Variants in STAM observed in about 807,000 individuals in gnomAD.
The protein encoded by STAM is signal transducing adaptor molecule.
Under a neutral mutation model 63.4 loss-of-function variants are expected in STAM, and 16 were observed. The observed-to-expected ratio is 0.25, with a 90% CI of 0.17 to 0.38. STAM has a LOEUF of 0.38. STAM is among the 10% of genes least tolerant of loss of function. STAM has a pLI of 1.00. For missense variants in STAM, 636 were observed against 657.1 expected, an observed-to-expected ratio of 0.97 and a Z score of 0.35; for synonymous variants, 238 against 223.9, an observed-to-expected ratio of 1.06 and a Z score of -0.56.
At chr10:17,673,967 T>C (rs775140348) in intron 2 of STAM, among the ~76,000 whole-genome samples, 50 of 152,216 alleles carry the variant, frequency 3.3e-4, no homozygotes, top group Admixed American at 1.8e-3. Flanking sequence ...CTCTGATCTG[T>C]AGGATGAGTA....
intron 1 of STAM, among the ~76,000 whole-genome samples, chr10:17,650,777 T>C (rs1286463801): frequency 6.6e-6 from 1 of 152,138 alleles, no homozygotes; most frequent in Non-Finnish European, 1.5e-5. Context: ...AAAATATTTC[T>C]AGAGAGGGCT....
chr10:17,662,309 C>T (rs1344320696), intron 2 of STAM, among the ~76,000 whole-genome samples: 1 of 151,876 alleles, frequency 6.6e-6, no homozygotes, highest in East Asian at 1.9e-4. Context: ...CCTTTTGTTT[C>T]TTGAGGATGG....
chr10:17,650,759 C>T (rs11817967), intron 1 of STAM, among the ~76,000 whole-genome samples: 17,206 of 152,052 alleles, frequency 0.11, 1,052 homozygotes, highest in Middle Eastern at 0.16. Context: ...CGCGTGGCCC[C>T]TCCGTTTAAA....
chr10:17,687,227 C>T (rs1835327681), intron 4 of STAM, among the ~76,000 whole-genome samples: 1 of 152,166 alleles, frequency 6.6e-6, no homozygotes. Context: ...GTAATCGCAG[C>T]ACTTTGGGAG....
At chr10:17,711,754 C>T (rs781956904) in intron 13 of STAM, among the ~76,000 whole-genome samples, 3 of 152,004 alleles carry the variant, frequency 2.0e-5, no homozygotes, top group South Asian at 4.1e-4. Context: ...AGGGGAGCAG[C>T]GAGAGACATA....
chr10:17,668,335 G>C lies in STAM; in HGVS notation c.125+7787G>C, dbSNP rs1292524580. On this transcript the variant is annotated intron_variant, in intron 2 of 13. Transcript: ENST00000377524. ...CACATTGCTTAGCATAATGCATATT[G>C]AACAGATAGTACAGAGGTCAACTCC... 3.3e-5 allele frequency among the ~76,000 whole-genome samples: 5 copies of C among 152,306 alleles called. No homozygotes were observed. In the East Asian group the frequency reaches 9.6e-4, roughly 29 times the overall value.
At chr10:17,672,567 G>C (rs930559711) in intron 2 of STAM, among the ~76,000 whole-genome samples, 5 of 152,116 alleles carry the variant, frequency 3.3e-5, no homozygotes, top group African/African-American at 1.2e-4. Context: ...GCTGTGCTGA[G>C]GGCCATTCTT....
intron 12 of STAM, among the ~76,000 whole-genome samples, chr10:17,706,449 G>C (rs1367394843): frequency 1.6e-5 from 2 of 128,080 alleles, no homozygotes; most frequent in Non-Finnish European, 3.1e-5. Context: ...TGCAATCTCA[G>C]CTCACTGCAA....
chr10:17,693,554 G>C (rs1255286962), intron 6 of STAM, among the ~76,000 whole-genome samples: 1 of 151,966 alleles, frequency 6.6e-6, no homozygotes, highest in African/African-American at 2.4e-5. Context: ...GTGCTTTTTT[G>C]TGTCTAACAA....
intron 1 of STAM, among the ~76,000 whole-genome samples, chr10:17,649,912 C>T (rs1833671025): frequency 1.3e-5 from 2 of 152,168 alleles, no homozygotes; most frequent in Non-Finnish European, 2.9e-5. Flanking sequence ...CCGGGCCCAG[C>T]CAATTTGGTA....
At chr10:17,657,696 T>A (rs1554822324) in intron 1 of STAM, among the ~76,000 whole-genome samples, 1 of 152,230 alleles carries the variant, frequency 6.6e-6, no homozygotes, top group Non-Finnish European at 1.5e-5. Flanking sequence ...GCAGATTATG[T>A]CTTTCAAGGC....
rs1158788412 is a variant in STAM at position 17,696,624 on chromosome 10, T to C, written c.729-151T>C. ...TTACCTTTTCTGAGGCTTCTTCTTC[T>C]TTTGTAATAAAGGAAGATTCATTGG... On this transcript the variant is annotated intron_variant, in intron 7 of 13. Coordinates refer to ENST00000377524, the MANE Select transcript of STAM (RefSeq NM_003473.4). 5.9e-5 allele frequency: 34 copies of C among 571,678 alleles called. No homozygotes were observed. The East Asian group carries it at 8.8e-4, about 15-fold the overall frequency. The allele number at this position is 571,678 out of a possible 1,614,324, so 35.4% of individuals were successfully genotyped here.
At chr10:17,681,034 G>A (rs1402139650) in intron 2 of STAM, among the ~76,000 whole-genome samples, 1 of 152,020 alleles carries the variant, frequency 6.6e-6, no homozygotes, top group African/African-American at 2.4e-5. Context: ...TTAATTATTC[G>A]AGGAACCAGT....
At chr10:17,706,482 C>T (rs1836283803) in intron 12 of STAM, among the ~76,000 whole-genome samples, 1 of 149,928 alleles carries the variant, frequency 6.7e-6, no homozygotes, top group Middle Eastern at 3.5e-3. Flanking sequence ...GGGTTCTCGC[C>T]ATTCTCCTGC....
At chr10:17,707,934 A>G (rs1213950101) in intron 12 of STAM, among the ~76,000 whole-genome samples, 2 of 150,966 alleles carry the variant, frequency 1.3e-5, no homozygotes, top group African/African-American at 4.9e-5. Context: ...TTTGTCGCCC[A>G]GGCTGGAGTG....
chr10:17,705,770 A>C (rs371661686), intron 12 of STAM, 29 bp downstream of exon 12: 166 of 1,599,856 alleles, frequency 1.0e-4, no homozygotes, highest in Non-Finnish European at 1.4e-4. Flanking sequence ...ATGTTGTTTT[A>C]AATTCTCAAA....
intron 2 of STAM, among the ~76,000 whole-genome samples, chr10:17,666,160 T>G (rs1262298968): frequency 9.9e-5 from 15 of 152,196 alleles, no homozygotes; most frequent in African/African-American, 2.9e-4. Flanking sequence ...TGCTGTTATT[T>G]TATATGTTAA....
At chr10:17,658,857 G>A (rs1259894999) in intron 1 of STAM, among the ~76,000 whole-genome samples, 2 of 152,174 alleles carry the variant, frequency 1.3e-5, no homozygotes, top group Admixed American at 6.5e-5. Flanking sequence ...ACATACAGTT[G>A]TGTGTTGTTT....
In STAM at chr10:17,669,248, G is replaced by A. The variant is rs782444341; in HGVS notation, c.125+8700G>A. ...ATATTATATTTGCATATGTATTTAAGTCTGTTTTTCTCTTTTGACCCGTTG... is the reference window on the plus strand; with the variant it reads ...ATATTATATTTGCATATGTATTTAAATCTGTTTTTCTCTTTTGACCCGTTG... On this transcript the variant is annotated intron_variant, in intron 2 of 13. Transcript: ENST00000377524. Among the ~76,000 whole-genome samples, 7 of 151,292 alleles carry A rather than the reference G, an allele frequency of 4.6e-5. 1 individual carries two copies. The South Asian group carries it at 1.5e-3, about 31-fold the overall frequency.
Sources: gnomAD v4.1 joint callset for allele counts (sites outside exome capture counted in the v4.1 genomes callset) on GRCh38, gnomAD v4.1.1 for gene constraint, MANE v1.5 for transcripts, NCBI Gene and HGNC (gene_info 2026-07-23, HGNC 2026-07-21) for gene names.